Variants in ADCY5 observed in about 807,000 individuals in gnomAD.
The protein encoded by ADCY5 is adenylate cyclase type 5.
Under a neutral mutation model 119.7 loss-of-function variants are expected in ADCY5, and 30 were observed. The ratio of observed to expected loss-of-function variants is 0.25; its 90% CI spans 0.19 to 0.34. The LOEUF (loss-of-function observed/expected upper bound fraction) is 0.34, where lower values mean the gene tolerates loss of function less well. Among genes scored for constraint, ADCY5 ranks in the 10% least tolerant of loss-of-function variants. The pLI is 1.00. For synonymous variants in ADCY5, 753 were observed against 762.2 expected (o/e 0.99, Z 0.20); for missense variants, 1,324 against 1,775.2 (o/e 0.75, Z 4.57).
At chr3:123,300,604 AG>A (rs1939794308) in intron 14 of ADCY5, among the ~76,000 whole-genome samples, 1 of 152,138 alleles carries the variant, frequency 6.6e-6, no homozygotes. Flanking sequence ...CTGCGTGCTC[AG>A]CCCCTCTGAG....
At chr3:123,326,334 A>T (rs2108377770) in intron 7 of ADCY5, among the ~76,000 whole-genome samples, 1 of 152,302 alleles carries the variant, frequency 6.6e-6, no homozygotes, top group Non-Finnish European at 1.5e-5. Context: ...AATGGGTGCA[A>T]GAGAGCTAGA....
At chr3:123,378,531 C>T (rs1300379185) in intron 1 of ADCY5, among the ~76,000 whole-genome samples, 6 of 152,170 alleles carry the variant, frequency 3.9e-5, no homozygotes, top group Non-Finnish European at 5.9e-5. Flanking sequence ...CGGAGGGAGG[C>T]GATGACTGAG....
intron 1 of ADCY5, among the ~76,000 whole-genome samples, chr3:123,386,289 CT>C (rs57101409): frequency 0.48 from 72,467 of 151,926 alleles, 18,079 homozygotes; most frequent in East Asian, 0.68. Flanking sequence ...GGCCACCATC[CT>C]TAACGTCAAC....
Position 123,284,493 on chromosome 3 carries a change from T to G in ADCY5, c.*115A>C, listed in dbSNP as rs1207426480. On this transcript the variant is annotated 3_prime_UTR_variant, in exon 21 of 21. Transcript: ENST00000462833. ...TGCTCTGGAGTCCAAGTGGAAAATC[T>G]CAGCAGCGCAGCCCTGCGGGCTGGA... is the stretch of plus-strand genomic sequence containing the variant. 5 of 1,481,402 alleles carry G rather than the reference T, an allele frequency of 3.4e-6. No individual in the cohort carries two copies. The highest frequency in any genetic ancestry group is 1.4e-5 in the African/African-American group (1 of 71,678). 91.8% of individuals were successfully genotyped at this position (1,481,402 alleles called of 1,614,324 possible). A position where few individuals can be genotyped will look rare whatever the true frequency, so the allele number is the denominator to read the frequency against.
chr3:123,328,317 C>T (rs1941592183), intron 6 of ADCY5, among the ~76,000 whole-genome samples: 1 of 152,080 alleles, frequency 6.6e-6, no homozygotes, highest in Non-Finnish European at 1.5e-5. Context: ...GTCTAGCCAT[C>T]CCAGAAACTA....
chr3:123,412,816 CAA>C (rs551881505), intron 1 of ADCY5, among the ~76,000 whole-genome samples: 11 of 135,552 alleles, frequency 8.1e-5, no homozygotes, highest in East Asian at 2.1e-4. Flanking sequence ...CAAACAATGA[CAA>C]AAAAAAAAAA....
chr3:123,338,891 G>A (rs1576593918), intron 3 of ADCY5, among the ~76,000 whole-genome samples: 1 of 149,428 alleles, frequency 6.7e-6, no homozygotes. Context: ...TCAGAGCCTG[G>A]CCCTGCTCCT....
chr3:123,320,719 A>G, intron 9 of ADCY5, 30 bp downstream of exon 9: 1 of 1,611,938 alleles, frequency 6.2e-7, no homozygotes, highest in Non-Finnish European at 8.5e-7. Context: ...AGACCCAGGG[A>G]GCAGGAATAA....
intron 1 of ADCY5, among the ~76,000 whole-genome samples, chr3:123,410,434 G>A (rs1945015494): frequency 6.6e-6 from 1 of 152,012 alleles, no homozygotes; most frequent in African/African-American, 2.4e-5. Flanking sequence ...CATATCCCAA[G>A]GTGAACTGCC....
chr3:123,397,175 C>T (rs553371889), intron 1 of ADCY5, among the ~76,000 whole-genome samples: 3 of 152,316 alleles, frequency 2.0e-5, no homozygotes, highest in Admixed American at 2.0e-4. Context: ...TGCCTCTGTG[C>T]CTCCTCTAGC....
chr3:123,402,932 TTA>T (rs1944810264), intron 1 of ADCY5, among the ~76,000 whole-genome samples: 1 of 152,004 alleles, frequency 6.6e-6, no homozygotes, highest in Non-Finnish European at 1.5e-5. Context: ...TATGTTATAT[TTA>T]TTATATAATT....
At chr3:123,348,085 G>GTGTGTGTGTGTGTGTC (rs1167576228) in intron 2 of ADCY5, among the ~76,000 whole-genome samples, 182 bp from the exon 3 acceptor site, 1 of 150,524 alleles carries the variant, frequency 6.6e-6, no homozygotes, top group Admixed American at 6.6e-5. Context: ...GTGTGTATGT[G>GTGTGTGTGTGTGTGTC]TGTGCAGGAT....
chr3:123,334,494 T>C (rs1290298147), intron 3 of ADCY5, among the ~76,000 whole-genome samples: 1 of 152,206 alleles, frequency 6.6e-6, no homozygotes, highest in Non-Finnish European at 1.5e-5. Flanking sequence ...TCCCAGCACT[T>C]TGGGAGGCTT....
Position 123,300,310 on chromosome 3 carries a change from C to T in ADCY5, c.2725-15G>A. ...TAGGTGAAGTACTGCGGGCAGAGGG[C>T]AGCAGCATCAGCTCCCCAGGCCCTG... On this transcript the variant is annotated splice_polypyrimidine_tract_variant and intron_variant, in intron 14 of 20. Transcript: ENST00000462833. 6.2e-7 allele frequency: 1 copy of T among 1,611,696 alleles called. No homozygotes were observed. Among genetic ancestry groups the T allele is most frequent in the African/African-American group, 1.3e-5 (1 of 75,054 alleles).
chr3:123,378,805 T>C (rs1394372895), intron 1 of ADCY5, among the ~76,000 whole-genome samples: 1 of 152,248 alleles, frequency 6.6e-6, no homozygotes, highest in Non-Finnish European at 1.5e-5. Context: ...TGTCTCTTCA[T>C]GCCTTTGTTT....
chr3:123,430,736 C>G (rs1203694738), intron 1 of ADCY5, among the ~76,000 whole-genome samples: 4 of 152,210 alleles, frequency 2.6e-5, no homozygotes, highest in Non-Finnish European at 5.9e-5. Flanking sequence ...GAGGACATCT[C>G]CCTGTCCTGA....
At chr3:123,366,212 T>A (rs1943431956) in intron 1 of ADCY5, among the ~76,000 whole-genome samples, 1 of 152,236 alleles carries the variant, frequency 6.6e-6, no homozygotes, top group Non-Finnish European at 1.5e-5. Context: ...ACTCTCAATA[T>A]ATTTCTGTTG....
chr3:123,407,494 T>C (rs1471039095), intron 1 of ADCY5, among the ~76,000 whole-genome samples: 3 of 150,612 alleles, frequency 2.0e-5, no homozygotes, highest in Non-Finnish European at 2.9e-5. Flanking sequence ...CTCATCCCTA[T>C]CATCTCAGCA....
chr3:123,372,456 C>T (rs1367131574), intron 1 of ADCY5, among the ~76,000 whole-genome samples: 2 of 152,194 alleles, frequency 1.3e-5, no homozygotes, highest in Non-Finnish European at 2.9e-5. Flanking sequence ...GAGAGTGTCC[C>T]TTTTCCTCCC....
Sources: gnomAD v4.1 joint callset for allele counts (sites outside exome capture counted in the v4.1 genomes callset) on GRCh38, gnomAD v4.1.1 for gene constraint, MANE v1.5 for transcripts, NCBI Gene and HGNC (gene_info 2026-07-23, HGNC 2026-07-21) for gene names.